The following PWWP3B variants were observed in gnomAD, a reference collection of about 807,000 sequenced individuals.
PWWP3B encodes the protein PWWP domain containing 3B.
Under a neutral mutation model 15.7 loss-of-function variants are expected in PWWP3B, and 5 were observed. That is an observed-to-expected ratio of 0.32 (90% CI 0.17 to 0.67). PWWP3B has a LOEUF of 0.67. Ranked by LOEUF, PWWP3B falls within the 30% of genes least tolerant of loss-of-function variation. The pLI, the probability that PWWP3B is intolerant of heterozygous loss-of-function variation, is 0.74. For missense variants in PWWP3B, 519 were observed against 493.1 expected (o/e 1.05, Z -0.50); for synonymous variants, 203 against 179.8 (o/e 1.13, Z -1.03).
chrX:106,189,644 G>A (rs1304356721), intron 2 of PWWP3B, among the ~76,000 whole-genome samples: 2 of 94,819 alleles, frequency 2.1e-5, no homozygotes, highest in Admixed American at 1.2e-4. Context: ...CTGAGACGGA[G>A]TCTCGCTCTG....
At chrX:106,178,644 T>C (rs1922025352) in intron 2 of PWWP3B, among the ~76,000 whole-genome samples, 1 of 111,782 alleles carries the variant, frequency 8.9e-6, no homozygotes, top group African/African-American at 3.3e-5. Flanking sequence ...AAAATTGCAT[T>C]TGAAGTGATT....
intron 2 of PWWP3B, among the ~76,000 whole-genome samples, chrX:106,191,314 A>G (rs1216265151): frequency 2.3e-4 from 25 of 110,911 alleles, no homozygotes; most frequent in African/African-American, 7.2e-4. Context: ...GCAATTGTGA[A>G]TGGGAGTTCA....
intron 2 of PWWP3B, among the ~76,000 whole-genome samples, chrX:106,191,152 C>T (rs371034529): frequency 3.6e-5 from 4 of 109,974 alleles, no homozygotes; most frequent in South Asian, 4.0e-4. Context: ...GCCATTTTCA[C>T]GATATTGATT....
chrX:106,206,945 A>G lies in PWWP3B; in HGVS notation c.1513A>G (p.Thr505Ala), dbSNP rs779713683. 8.3e-7 allele frequency: 1 copy of G among 1,211,567 alleles called. No homozygotes were observed. Among genetic ancestry groups the G allele is most frequent in the South Asian group, 1.8e-5 (1 of 56,931 alleles). The part of the protein sequence containing the change: ...ADISYPVRKE[T>A]KQDTFRNKFP... ...TATTAGTTACCCAGTTAGGAAAGAAACAAAACAGGATACTTTCAGGAACAA... is the reference window on the plus strand; with the variant it reads ...TATTAGTTACCCAGTTAGGAAAGAAGCAAAACAGGATACTTTCAGGAACAA... Residue 505 changes from threonine to alanine, a missense_variant, in exon 4 of 4, where the codon ACA becomes GCA. Coordinates refer to ENST00000357175, the MANE Select transcript of PWWP3B (RefSeq NM_001171020.2).
intron 2 of PWWP3B, among the ~76,000 whole-genome samples, chrX:106,194,477 T>G (rs1298915822): frequency 9.0e-6 from 1 of 111,693 alleles, no homozygotes; most frequent in Non-Finnish European, 1.9e-5. Context: ...TTCTTTGCCA[T>G]CGGTTTGAAT....
At chrX:106,193,527 T>C (rs1479820713) in intron 2 of PWWP3B, among the ~76,000 whole-genome samples, 1 of 111,939 alleles carries the variant, frequency 8.9e-6, no homozygotes. Flanking sequence ...TTGGAGCATT[T>C]AGCCCATTTA....
intron 2 of PWWP3B, among the ~76,000 whole-genome samples, chrX:106,202,888 A>G (rs746769910): frequency 4.5e-5 from 5 of 112,123 alleles, no homozygotes; most frequent in South Asian, 3.6e-4. Context: ...AAACATATCT[A>G]TGAAAGTTTT....
chrX:106,173,154 C>T (rs1921709135), intron 2 of PWWP3B, among the ~76,000 whole-genome samples: 1 of 111,498 alleles, frequency 9.0e-6, no homozygotes, highest in African/African-American at 3.3e-5. Flanking sequence ...TCATTGTGTC[C>T]GTGAGCTCTC....
At chrX:106,184,703 G>T (rs1378687494) in intron 2 of PWWP3B, among the ~76,000 whole-genome samples, 2 of 112,119 alleles carry the variant, frequency 1.8e-5, no homozygotes, top group Non-Finnish European at 1.9e-5. Context: ...TCAAAGGTTT[G>T]CTCTAGGCTG....
chrX:106,181,675 T>C (rs915314287), intron 2 of PWWP3B, among the ~76,000 whole-genome samples: 1 of 111,732 alleles, frequency 8.9e-6, no homozygotes, highest in Admixed American at 9.5e-5. Context: ...CTCTAGCTAC[T>C]TCCTGCTGGA....
chrX:106,206,032 G>C lies in PWWP3B; in HGVS notation c.600G>C (p.Ser200=). Residue 200 remains serine (S), a synonymous_variant, in exon 4 of 4, where the codon TCG becomes TCC. Transcript: ENST00000357175. The part of the protein sequence containing the change: ...SSWCETFPSL[S]EDNDEKENKN... ...GGTGCGAGACTTTCCCTTCACTTTC[G>C]GAAGATAATGATGAAAAAGAGAACA... 8.3e-7 allele frequency: 1 copy of C among 1,208,751 alleles called. No individual in the cohort carries two copies. Among genetic ancestry groups the C allele is most frequent in the Non-Finnish European group, 1.1e-6 (1 of 893,963 alleles).
At chrX:106,198,597 G>T (rs1335608778) in intron 2 of PWWP3B, among the ~76,000 whole-genome samples, 1 of 111,622 alleles carries the variant, frequency 9.0e-6, no homozygotes, top group Non-Finnish European at 1.9e-5. Context: ...TATTATATCT[G>T]TAATGTTATC....
intron 2 of PWWP3B, among the ~76,000 whole-genome samples, chrX:106,180,437 A>G (rs1275943726): frequency 9.0e-6 from 1 of 110,898 alleles, no homozygotes; most frequent in Non-Finnish European, 1.9e-5. Context: ...CTCCATTTCC[A>G]TTGTCCATCT....
Position 106,207,111 on chromosome X carries a change from T to A in PWWP3B, c.1679T>A (p.Ile560Asn). The A allele has an allele frequency of 8.3e-7, 1 of 1,206,811 alleles. No homozygotes were observed. ...GCCAACAAGAACCTGGTGGACTTCATTGTGAATGCAAAGGGAACAGAGAAC... is the reference window on the plus strand; with the variant it reads ...GCCAACAAGAACCTGGTGGACTTCAATGTGAATGCAAAGGGAACAGAGAAC... ...DRANKNLVDFIVNAKGTENHL... is the reference protein window; with the variant it reads ...DRANKNLVDFNVNAKGTENHL... The change falls in exon 4 of 4, where the codon ATT becomes AAT. Residue 560 changes from isoleucine (I) to asparagine (N), a missense_variant. Transcript: ENST00000357175.
chrX:106,191,164 T>C (rs1364056401), intron 2 of PWWP3B, among the ~76,000 whole-genome samples: 2 of 110,899 alleles, frequency 1.8e-5, no homozygotes, highest in Non-Finnish European at 3.8e-5. Flanking sequence ...ATATTGATTC[T>C]TCCTACCCAT....
chrX:106,200,306 C>T (rs977933473), intron 2 of PWWP3B, among the ~76,000 whole-genome samples: 2 of 111,298 alleles, frequency 1.8e-5, no homozygotes, highest in African/African-American at 3.3e-5. Flanking sequence ...TTACGTTGAA[C>T]CTTGACATCA....
chrX:106,172,585 G>T (rs1286088401), intron 2 of PWWP3B, among the ~76,000 whole-genome samples: 1 of 110,501 alleles, frequency 9.0e-6, no homozygotes, highest in African/African-American at 3.3e-5. Context: ...CCACTGGAAG[G>T]TCTTCAGGGG....
chrX:106,194,132 G>A (rs1383286726), intron 2 of PWWP3B, among the ~76,000 whole-genome samples: 1 of 111,844 alleles, frequency 8.9e-6, no homozygotes, highest in Non-Finnish European at 1.9e-5. Context: ...ATCCTGCAGA[G>A]TGTTTTCCAA....
At chrX:106,169,076 A>T (rs926834016) in intron 1 of PWWP3B, among the ~76,000 whole-genome samples, 7 of 111,767 alleles carry the variant, frequency 6.3e-5, no homozygotes, top group African/African-American at 2.3e-4. Flanking sequence ...ACAACAAACA[A>T]TATACTTAGT....
Sources: allele counts gnomAD v4.1 joint callset (sites outside exome capture counted in the v4.1 genomes callset), GRCh38; gene constraint gnomAD v4.1.1; transcripts MANE v1.5; gene names NCBI Gene and HGNC (gene_info 2026-07-23, HGNC 2026-07-21).